Variants in PACRGL observed in about 807,000 individuals in gnomAD.
PACRGL encodes parkin coregulated like.
In PACRGL, 38 loss-of-function variants were observed where a neutral mutation model predicts 34.5. The observed-to-expected ratio is 1.10, with a 90% CI of 0.85 to 1.44. The LOEUF (loss-of-function observed/expected upper bound fraction) is 1.44, where lower values mean the gene tolerates loss of function less well. PACRGL is among the 40% of genes most tolerant of loss of function. PACRGL has a pLI of 0.00. For missense variants in PACRGL, 305 were observed against 281.4 expected (o/e 1.08, Z -0.60); for synonymous variants, 128 against 100.1 (o/e 1.28, Z -1.66).
In PACRGL at chr4:20,740,897, C is replaced by CA. The variant is rs532853776; in HGVS notation, c.*57-11659dup. ...GAAGATCTACCAAGCAAATGGAAAA[C>CA]AAAAAAAAAGCAGGGGTTGCAATCC... On this transcript the variant is annotated intron_variant, in intron 8 of 8. Coordinates refer to the PACRGL transcript ENST00000507634. Among the ~76,000 whole-genome samples the CA allele has an allele frequency of 6.9e-3, 1,033 of 149,718 alleles. 10 individuals are homozygous for CA. The highest frequency in any genetic ancestry group is 0.014 in the African/African-American group (558 of 40,810).
Position 20,728,137 on chromosome 4 carries a change from A to G in PACRGL, c.*796A>G, listed in dbSNP as rs1363551915. On this transcript the variant is annotated 3_prime_UTR_variant, in exon 9 of 9. Coordinates refer to ENST00000503585, the MANE Select transcript of PACRGL (RefSeq NM_001258345.3). ...TGTAAATATGTATTTTATAATGTAC[A>G]ATGCTTGGAAAATTTTCAGAGTATT... is the stretch of plus-strand genomic sequence containing the variant. 1 of 152,172 alleles carries G rather than the reference A, an allele frequency of 6.6e-6. No homozygotes were observed. Among genetic ancestry groups the G allele is most frequent in the South Asian group, 2.1e-4 (1 of 4,832 alleles). 9.4% of individuals were successfully genotyped at this position (152,172 alleles called of 1,614,324 possible). A position where few individuals can be genotyped will look rare whatever the true frequency, so the allele number is the denominator to read the frequency against.
intron 7 of PACRGL, among the ~76,000 whole-genome samples, chr4:20,720,336 G>A (rs1322652284): frequency 1.3e-5 from 2 of 152,076 alleles, no homozygotes; most frequent in African/African-American, 2.4e-5. Context: ...TATATTTAAG[G>A]TTAGTATTGT....
chr4:20,741,737 G>A (rs1202197856), intron 8 of PACRGL, among the ~76,000 whole-genome samples: 3 of 152,142 alleles, frequency 2.0e-5, no homozygotes, highest in African/African-American at 4.8e-5. Context: ...AACTGAAGGA[G>A]ACAGAGACAC....
At chr4:20,765,826 G>T in the PACRGL span, among the ~76,000 whole-genome samples, 1 of 152,164 alleles carries the variant, frequency 6.6e-6, no homozygotes, top group East Asian at 1.9e-4. Context: ...TGAAGAAACA[G>T]TCGCCTTTTG....
chr4:20,750,249 A>T (rs901030992), intron 8 of PACRGL, among the ~76,000 whole-genome samples: 3 of 152,216 alleles, frequency 2.0e-5, no homozygotes, highest in Non-Finnish European at 4.4e-5. Context: ...AGAAGGAGTA[A>T]ATCTGGGACA....
At chr4:20,743,012 GTGAAGGA>G (rs1751528400) in intron 8 of PACRGL, among the ~76,000 whole-genome samples, 2 of 99,330 alleles carry the variant, frequency 2.0e-5, no homozygotes, top group African/African-American at 9.8e-5. Context: ...TATATGGGAT[GTGAAGGA>G]CCCTTATAAG....
chr4:20,709,708 A>G lies in PACRGL; in HGVS notation c.301A>G (p.Arg101Gly). 6.2e-7 allele frequency: 1 copy of G among 1,608,850 alleles called. No homozygotes were observed. The highest frequency in any genetic ancestry group is 1.1e-5 in the South Asian group (1 of 90,580). The change falls in exon 5 of 9, where the codon AGA becomes GGA. Residue 101 changes from arginine to glycine, a missense_variant. Arg to Gly is a moderately radical substitution (Grantham distance 125). Coordinates refer to ENST00000503585, the MANE Select transcript of PACRGL (RefSeq NM_001258345.3). ...CRLVHGSVKH[R>G]LQWECPPESL... is the part of the protein sequence containing the mutation. ...ATTGGTACATGGTTCAGTAAAACAC[A>G]GATTACAGTGGGAATGTCCTCCTGA...
chr4:20,702,284 T>G (rs1428535662), intron 1 of PACRGL: 1 of 452,648 alleles, frequency 2.2e-6, no homozygotes, highest in Non-Finnish European at 4.5e-6. Flanking sequence ...TTGTTATGTT[T>G]GTGGGTACGC....
rs948151490 is a variant in PACRGL at position 20,731,791 on chromosome 4, G to T, written c.*4450G>T. The T allele has an allele frequency of 7.1e-6, 7 of 985,216 alleles. No homozygotes were observed. The South Asian group carries it at 3.3e-4, about 46-fold the overall frequency. 61.0% of individuals were successfully genotyped at this position (985,216 alleles called of 1,614,324 possible). On this transcript the variant is annotated 3_prime_UTR_variant, in exon 9 of 9. Coordinates refer to ENST00000503585, the MANE Select transcript of PACRGL (RefSeq NM_001258345.3). Reference sequence around the variant, plus strand: ...CATGTACAACTTTTGTATCCCCAGGGTTTCCTCCATAGCCTGACTCAGTGG... The same window carrying T: ...CATGTACAACTTTTGTATCCCCAGGTTTTCCTCCATAGCCTGACTCAGTGG...
intron 8 of PACRGL, among the ~76,000 whole-genome samples, chr4:20,743,294 C>A (rs1334297940): frequency 6.6e-6 from 1 of 152,042 alleles, no homozygotes; most frequent in Non-Finnish European, 1.5e-5. Flanking sequence ...GGAACCAAAA[C>A]AGAGCCCACA....
At chr4:20,714,370 T>G (rs1016539794) in intron 7 of PACRGL, among the ~76,000 whole-genome samples, 1 of 152,162 alleles carries the variant, frequency 6.6e-6, no homozygotes, top group African/African-American at 2.4e-5. Flanking sequence ...CCTCCATCCT[T>G]TTATTTTGAG....
At position 20,729,618 on chromosome 4, in the gene PACRGL, T is replaced by TTTAAATGGA. The variant is rs1747381239; in HGVS notation, c.*2278_*2286dup. 1 of 69,872 alleles carries TTTAAATGGA rather than the reference T, an allele frequency of 1.4e-5. No homozygotes were observed. Among genetic ancestry groups the TTTAAATGGA allele is most frequent in the Non-Finnish European group, 3.1e-5 (1 of 32,756 alleles). 4.3% of individuals were successfully genotyped at this position (69,872 alleles called of 1,614,324 possible). A position where few individuals can be genotyped will look rare whatever the true frequency, so the allele number is the denominator to read the frequency against. On this transcript the variant is annotated 3_prime_UTR_variant, in exon 9 of 9. Transcript: ENST00000503585. ...GTTTCCTTAAAGTATATAAATGGAA[T>TTTAAATGGA]TTAAATGGAATTACAGCATTCAAAC...
At position 20,729,544 on chromosome 4, in the gene PACRGL, G is replaced by T. The variant is rs1747327906; in HGVS notation, c.*2203G>T. 1 of 147,904 alleles carries T rather than the reference G, an allele frequency of 6.8e-6. No individual in the cohort carries two copies. Among genetic ancestry groups the T allele is most frequent in the Non-Finnish European group, 1.5e-5 (1 of 66,436 alleles). 9.2% of individuals were successfully genotyped at this position (147,904 alleles called of 1,614,324 possible). ...AAAACTAATTTCTAACAGAAGGTGGGAAGGCCATAGAAACTGGAACTATGT... is the reference window on the plus strand; with the variant it reads ...AAAACTAATTTCTAACAGAAGGTGGTAAGGCCATAGAAACTGGAACTATGT... On this transcript the variant is annotated 3_prime_UTR_variant, in exon 9 of 9. Coordinates refer to ENST00000503585, the MANE Select transcript of PACRGL (RefSeq NM_001258345.3).
At chr4:20,716,801 C>T (rs1740271128) in intron 7 of PACRGL, among the ~76,000 whole-genome samples, 1 of 152,180 alleles carries the variant, frequency 6.6e-6, no homozygotes, top group Non-Finnish European at 1.5e-5. Context: ...CATACATGTG[C>T]ATGTGTCTTT....
the PACRGL span, among the ~76,000 whole-genome samples, chr4:20,765,119 A>G: frequency 6.6e-6 from 1 of 152,218 alleles, no homozygotes; most frequent in Non-Finnish European, 1.5e-5. Context: ...AATAGTTCAT[A>G]TGCCTTTTAC....
At position 20,728,497 on chromosome 4, in the gene PACRGL, A is replaced by G. The variant is rs1746698852; in HGVS notation, c.*1156A>G. On this transcript the variant is annotated 3_prime_UTR_variant, in exon 9 of 9. Transcript: ENST00000503585. ...CTGCCTGCCTGCTGGCCTTGCTTTT[A>G]CCTGTTTTCATTGCATTGAGCACCA... The G allele has an allele frequency of 6.6e-6, 1 of 152,272 alleles. No individual in the cohort carries two copies. Among genetic ancestry groups the G allele is most frequent in the South Asian group, 2.1e-4 (1 of 4,832 alleles). The allele number at this position is 152,272 out of a possible 1,614,324, so 9.4% of individuals were successfully genotyped here. A position where few individuals can be genotyped will look rare whatever the true frequency, so the allele number is the denominator to read the frequency against.
intron 5 of PACRGL, among the ~76,000 whole-genome samples, chr4:20,712,422 C>T (rs925675174): frequency 1.4e-4 from 21 of 151,660 alleles, no homozygotes; most frequent in Non-Finnish European, 2.5e-4. Context: ...ACAAATAATA[C>T]AATATAAAAA....
At chr4:20,722,420 G>A (rs746383332) in intron 7 of PACRGL, among the ~76,000 whole-genome samples, 2 of 152,170 alleles carry the variant, frequency 1.3e-5, no homozygotes, top group Admixed American at 1.3e-4. Context: ...CGTCACTCAC[G>A]CTGGGAGCTG....
chr4:20,761,044 A>C, the PACRGL span, among the ~76,000 whole-genome samples: 1 of 152,294 alleles, frequency 6.6e-6, no homozygotes, highest in African/African-American at 2.4e-5. Flanking sequence ...AGTAAAGCAG[A>C]TTGCCCTCCA....
Sources: gnomAD v4.1 joint callset for allele counts (sites outside exome capture counted in the v4.1 genomes callset) on GRCh38, gnomAD v4.1.1 for gene constraint, MANE v1.5 for transcripts, NCBI Gene and HGNC (gene_info 2026-07-23, HGNC 2026-07-21) for gene names.